Variants in STAU2 observed in about 807,000 individuals in gnomAD.
The protein encoded by STAU2 is staufen double-stranded RNA binding protein 2.
Under a neutral mutation model 65.9 loss-of-function variants are expected in STAU2, and 20 were observed. The ratio of observed to expected loss-of-function variants is 0.30; its 90% CI spans 0.21 to 0.44. The LOEUF is 0.44. Ranked by LOEUF, STAU2 falls within the 20% of genes least tolerant of loss-of-function variation. STAU2 has a pLI of 1.00. For missense variants in STAU2, 558 were observed against 683.9 expected, an observed-to-expected ratio of 0.82 and a Z score of 2.05; for synonymous variants, 232 against 233.9, an observed-to-expected ratio of 0.99 and a Z score of 0.07.
At chr8:73,523,754 C>T (rs7846061) in intron 13 of STAU2, among the ~76,000 whole-genome samples, 129,901 of 152,136 alleles carry the variant, frequency 0.85, 55,904 homozygotes, top group Middle Eastern at 0.93. Flanking sequence ...TCGGACACAA[C>T]TGATGAACTG....
chr8:73,471,726 G>A (rs532441533), intron 13 of STAU2, among the ~76,000 whole-genome samples: 25 of 147,524 alleles, frequency 1.7e-4, no homozygotes, highest in African/African-American at 5.4e-4. Context: ...GCTGAGGCAG[G>A]AGAATCGTTT....
At chr8:73,432,464 A>T (rs1817371850) in intron 13 of STAU2, among the ~76,000 whole-genome samples, 1 of 152,202 alleles carries the variant, frequency 6.6e-6, no homozygotes, top group Admixed American at 6.5e-5. Context: ...TATTGTCCAA[A>T]GTATGTCAAT....
At chr8:73,530,701 A>G (rs1805754138) in intron 13 of STAU2, among the ~76,000 whole-genome samples, 1 of 152,144 alleles carries the variant, frequency 6.6e-6, no homozygotes, top group Admixed American at 6.6e-5. Flanking sequence ...GGTATCTGAG[A>G]GCTTATTGAA....
chr8:73,600,571 T>C (rs921332957), intron 10 of STAU2, among the ~76,000 whole-genome samples: 18 of 152,340 alleles, frequency 1.2e-4, no homozygotes, highest in Admixed American at 1.1e-3. Flanking sequence ...TTTTTTCCAA[T>C]GCTTTGTTTG....
intron 13 of STAU2, among the ~76,000 whole-genome samples, chr8:73,532,021 T>A (rs1805853735): frequency 6.6e-6 from 1 of 152,184 alleles, no homozygotes; most frequent in African/African-American, 2.4e-5. Context: ...AGACCCCCTC[T>A]GAGTCAAGGG....
chr8:73,640,604 AC>A (rs769797180), intron 6 of STAU2, among the ~76,000 whole-genome samples: 11 of 152,172 alleles, frequency 7.2e-5, no homozygotes, highest in Non-Finnish European at 1.0e-4. Context: ...GTTTTTATGG[AC>A]ACTGAAATCT....
intron 6 of STAU2, among the ~76,000 whole-genome samples, chr8:73,670,265 G>A (rs1817576092): frequency 6.6e-6 from 1 of 152,138 alleles, no homozygotes; most frequent in African/African-American, 2.4e-5. Flanking sequence ...ACAATTAGAA[G>A]CAGAGATGTT....
At chr8:73,502,652 C>T (rs991492092) in intron 13 of STAU2, among the ~76,000 whole-genome samples, 1 of 152,040 alleles carries the variant, frequency 6.6e-6, no homozygotes, top group Non-Finnish European at 1.5e-5. Flanking sequence ...CTTCAAAGGT[C>T]ACCTTCTGCA....
chr8:73,634,806 A>C (rs1451805940), intron 6 of STAU2, among the ~76,000 whole-genome samples: 1 of 152,178 alleles, frequency 6.6e-6, no homozygotes, highest in Non-Finnish European at 1.5e-5. Flanking sequence ...ACCTTCTTAA[A>C]GTCTTCGCTC....
At chr8:73,730,653 G>A (rs1025493461) in intron 3 of STAU2, among the ~76,000 whole-genome samples, 28 of 150,976 alleles carry the variant, frequency 1.9e-4, no homozygotes, top group South Asian at 4.2e-4. Flanking sequence ...CTTGAACCCC[G>A]GAGGCAGAGG....
At chr8:73,651,408 T>C (rs574646765) in intron 6 of STAU2, 9 of 664,082 alleles carry the variant, frequency 1.4e-5, no homozygotes, top group South Asian at 1.2e-4. Context: ...CTGTCGGAGG[T>C]CCAGATAAAA....
intron 13 of STAU2, among the ~76,000 whole-genome samples, chr8:73,539,738 G>A (rs2128937073): frequency 6.6e-6 from 1 of 152,084 alleles, no homozygotes; most frequent in East Asian, 1.9e-4. Context: ...AGCTATTCAG[G>A]AGGCTGAGGC....
chr8:73,549,526 T>G, intron 13 of STAU2: 1 of 627,032 alleles, frequency 1.6e-6, no homozygotes, highest in Non-Finnish European at 2.0e-6. Context: ...ATTCAGTTGA[T>G]CAAAGTAGCT....
intron 6 of STAU2, among the ~76,000 whole-genome samples, chr8:73,640,578 G>A (rs1224868737): frequency 6.6e-6 from 1 of 152,130 alleles, no homozygotes; most frequent in East Asian, 1.9e-4. Context: ...GGGTGGTGGT[G>A]CTCCAATAAA....
intron 12 of STAU2, among the ~76,000 whole-genome samples, chr8:73,570,173 C>T (rs1234493053): frequency 6.6e-6 from 1 of 152,140 alleles, no homozygotes; most frequent in Non-Finnish European, 1.5e-5. Context: ...GACGCATGCA[C>T]AAGCTTCAGT....
At chr8:73,629,535 G>A (rs1027963008) in intron 6 of STAU2, among the ~76,000 whole-genome samples, 10 of 152,296 alleles carry the variant, frequency 6.6e-5, no homozygotes, top group East Asian at 1.9e-4. Context: ...AAGTAGCTTC[G>A]TAGAAACTAA....
chr8:73,649,709 T>C (rs935982001), intron 6 of STAU2, among the ~76,000 whole-genome samples: 2 of 151,534 alleles, frequency 1.3e-5, no homozygotes, highest in Non-Finnish European at 2.9e-5. Flanking sequence ...GACAGGGCAG[T>C]TTGTATGATA....
intron 13 of STAU2, among the ~76,000 whole-genome samples, chr8:73,446,192 G>A (rs558603534): frequency 2.4e-4 from 36 of 152,320 alleles, no homozygotes; most frequent in African/African-American, 7.7e-4. Flanking sequence ...ATCTCAAAGA[G>A]TCATGTTATT....
rs572701841 is a variant in STAU2 at position 73,495,435 on chromosome 8, C to T, written c.1530+56577G>A. Among the ~76,000 whole-genome samples, 5 of 151,466 alleles carry T rather than the reference C, an allele frequency of 3.3e-5. No homozygotes were observed. In the East Asian group the frequency reaches 7.8e-4, roughly 24 times the overall value. ...AAAGGCAGTTTATCTTAAGCATTTA[C>T]ATTTTTCTTCTAACAAGTTATTTTT... is the stretch of plus-strand genomic sequence containing the variant. On this transcript the variant is annotated intron_variant, in intron 13 of 14. Transcript: ENST00000524300.
Sources: gnomAD v4.1 joint callset for allele counts (sites outside exome capture counted in the v4.1 genomes callset) on GRCh38, gnomAD v4.1.1 for gene constraint, MANE v1.5 for transcripts, NCBI Gene and HGNC (gene_info 2026-07-23, HGNC 2026-07-21) for gene names.